The following TENM2 variants were observed in gnomAD, a reference collection of about 807,000 sequenced individuals.
TENM2 encodes the protein teneurin transmembrane protein 2.
Under a neutral mutation model 245.2 loss-of-function variants are expected in TENM2, and 52 were observed. The observed-to-expected ratio is 0.21, with a 90% CI of 0.17 to 0.27. The LOEUF (loss-of-function observed/expected upper bound fraction) is 0.27, where lower values mean the gene tolerates loss of function less well. Ranked by LOEUF, TENM2 falls within the 10% of genes least tolerant of loss-of-function variation. TENM2 has a pLI of 1.00. For missense variants in TENM2, 3,046 were observed against 3,666.8 expected (o/e 0.83, Z 4.37); for synonymous variants, 1,363 against 1,438.9 (o/e 0.95, Z 1.19).
rs184296656 is a variant in TENM2 at position 167,930,375 on chromosome 5, G to A, written c.713-22213G>A. On this transcript the variant is annotated intron_variant, in intron 3 of 28. Coordinates refer to ENST00000518659, the Ensembl canonical transcript of TENM2. ...ATATATGAAGAATCAATGAAGAATC[G>A]TTTTTAAAAAGGCATTTTTAGTGTC... Among the ~76,000 whole-genome samples, 82 of 152,090 alleles carry A rather than the reference G, an allele frequency of 5.4e-4. 1 individual carries two copies. The highest frequency in any genetic ancestry group is 4.2e-3 in the East Asian group (22 of 5,180).
chr5:167,489,310 C>A (rs1200566780), intron 2 of TENM2, among the ~76,000 whole-genome samples: 2 of 152,178 alleles, frequency 1.3e-5, no homozygotes, highest in Non-Finnish European at 2.9e-5. Context: ...CTTTCCCATT[C>A]CTTCTGTGAT....
intron 2 of TENM2, among the ~76,000 whole-genome samples, chr5:167,601,073 G>A (rs1291379436): frequency 6.6e-6 from 1 of 152,180 alleles, no homozygotes; most frequent in African/African-American, 2.4e-5. Context: ...AGCCCTGCCC[G>A]TGTGAAGTTT....
At chr5:167,854,643 T>C (rs573904611) in intron 2 of TENM2, among the ~76,000 whole-genome samples, 1 of 152,320 alleles carries the variant, frequency 6.6e-6, no homozygotes, top group Admixed American at 6.5e-5. Context: ...ATTGGCATCA[T>C]TTTCAAATAT....
chr5:167,839,023 TG>T (rs1356380868), intron 2 of TENM2, among the ~76,000 whole-genome samples: 1 of 152,186 alleles, frequency 6.6e-6, no homozygotes. Context: ...TGGGTTGTTG[TG>T]AGAATCAAAT....
chr5:167,876,087 G>C, exon 3 of TENM2: 3 of 1,551,432 alleles, frequency 1.9e-6, no homozygotes, highest in Non-Finnish European at 2.6e-6. Flanking sequence ...GCCATTGCTA[G>C]ACAGCAACAC....
chr5:167,135,494 T>C, the TENM2 span, among the ~76,000 whole-genome samples: 1 of 152,116 alleles, frequency 6.6e-6, no homozygotes, highest in Admixed American at 6.6e-5. Flanking sequence ...TGGCGTGTAT[T>C]GGCCGGGTGC....
chr5:167,913,055 G>A (rs1776670145), intron 3 of TENM2, among the ~76,000 whole-genome samples: 1 of 152,098 alleles, frequency 6.6e-6, no homozygotes. Flanking sequence ...TAGCATCCCT[G>A]CATTCCAGAG....
intron 2 of TENM2, among the ~76,000 whole-genome samples, chr5:167,485,742 G>C (rs1768021930): frequency 6.6e-6 from 1 of 152,118 alleles, no homozygotes; most frequent in African/African-American, 2.4e-5. Context: ...GCAGGGGAAA[G>C]ACAAGAGCCA....
intron 9 of TENM2, among the ~76,000 whole-genome samples, chr5:168,102,021 C>T (rs573058546): frequency 6.6e-6 from 1 of 151,696 alleles, no homozygotes; most frequent in East Asian, 1.9e-4. Context: ...TTCTTCAAGT[C>T]AATTCATTAT....
chr5:167,859,732 T>G (rs1170948874), intron 2 of TENM2, among the ~76,000 whole-genome samples: 2 of 73,296 alleles, frequency 2.7e-5, no homozygotes, highest in Admixed American at 1.2e-4. Flanking sequence ...GGGAGGGAGG[T>G]GGGGGGATCA....
chr5:167,852,073 T>A (rs1770633950), intron 2 of TENM2, among the ~76,000 whole-genome samples: 1 of 152,228 alleles, frequency 6.6e-6, no homozygotes, highest in African/African-American at 2.4e-5. Flanking sequence ...AAATGGTTTT[T>A]AAATTATTTC....
intron 9 of TENM2, among the ~76,000 whole-genome samples, chr5:168,117,684 T>C (rs762697152): frequency 3.3e-5 from 5 of 152,218 alleles, no homozygotes; most frequent in Non-Finnish European, 7.3e-5. Context: ...CATTTCTTCA[T>C]GGTATAGATA....
In TENM2 at chr5:167,418,469, T is replaced by C. The variant is rs559858190; in HGVS notation, c.502+42996T>C. On this transcript the variant is annotated intron_variant, in intron 2 of 28. Coordinates refer to ENST00000518659, the Ensembl canonical transcript of TENM2. ...TCAGGGTGACTTTGTTGCTATATTA[T>C]ATTTTAATATTTTCATTTGGTAAAT... is the stretch of plus-strand genomic sequence containing the variant. 2.0e-5 allele frequency among the ~76,000 whole-genome samples: 3 copies of C among 152,300 alleles called. No homozygotes were observed. In the South Asian group the frequency reaches 6.2e-4, roughly 32 times the overall value.
At chr5:167,363,730 C>CAAAAAAAAAAAAAAAAAA (rs10659741) in intron 1 of TENM2, among the ~76,000 whole-genome samples, 2 of 89,320 alleles carry the variant, frequency 2.2e-5, no homozygotes, top group Admixed American at 1.5e-4. Context: ...GACTCCATCT[C>CAAAAAAAAAAAAAAAAAA]AAAAAAAAAA....
chr5:168,227,353 T>C (rs1159619649), intron 24 of TENM2, among the ~76,000 whole-genome samples: 1 of 152,124 alleles, frequency 6.6e-6, no homozygotes, highest in Non-Finnish European at 1.5e-5. Flanking sequence ...TCAGGTGCAG[T>C]CGGCAGTAAA....
At chr5:167,322,182 T>C (rs962950019) in intron 1 of TENM2, among the ~76,000 whole-genome samples, 3 of 151,646 alleles carry the variant, frequency 2.0e-5, no homozygotes, top group Non-Finnish European at 4.4e-5. Context: ...GTGTTTATGA[T>C]GCTCGTGTAT....
intron 2 of TENM2, among the ~76,000 whole-genome samples, chr5:167,749,770 G>T (rs1761837067): frequency 6.6e-6 from 1 of 152,128 alleles, no homozygotes; most frequent in Non-Finnish European, 1.5e-5. Flanking sequence ...AGTTAAATCA[G>T]TCAATGACTG....
intron 2 of TENM2, among the ~76,000 whole-genome samples, chr5:167,536,377 G>A (rs1355837581): frequency 6.6e-6 from 1 of 151,968 alleles, no homozygotes; most frequent in Non-Finnish European, 1.5e-5. Flanking sequence ...ATAATGATCA[G>A]CAAACTTATT....
the TENM2 span, among the ~76,000 whole-genome samples, chr5:166,981,314 T>C: frequency 2.0e-5 from 3 of 152,334 alleles, no homozygotes; most frequent in African/African-American, 7.2e-5. Context: ...AATATTTTCA[T>C]GGACCTTTGA....
Sources: gnomAD v4.1 joint callset for allele counts (sites outside exome capture counted in the v4.1 genomes callset) on GRCh38, gnomAD v4.1.1 for gene constraint, MANE v1.5 for transcripts, NCBI Gene and HGNC (gene_info 2026-07-23, HGNC 2026-07-21) for gene names.